Variants in CES1 observed in about 807,000 individuals in gnomAD.
The protein encoded by CES1 is liver carboxylesterase 1.
In CES1, 50 loss-of-function variants were observed where a neutral mutation model predicts 53.0. The observed-to-expected ratio is 0.94, with a 90% CI of 0.75 to 1.19. The LOEUF is 1.19. CES1 is among the 50% of genes most tolerant of loss of function. The pLI, the probability that CES1 is intolerant of heterozygous loss-of-function variation, is 0.00. For missense variants in CES1, 534 were observed against 538.0 expected, an observed-to-expected ratio of 0.99 and a Z score of 0.07; for synonymous variants, 202 against 210.1, an observed-to-expected ratio of 0.96 and a Z score of 0.33.
In CES1 at chr16:55,811,906, C is replaced by T. The variant is rs763033018; in HGVS notation, c.1087-896G>A. Among the ~76,000 whole-genome samples, 41 of 152,306 alleles carry T rather than the reference C, an allele frequency of 2.7e-4. No individual in the cohort carries two copies. The South Asian group carries it at 2.9e-3, about 11-fold the overall frequency. On this transcript the variant is annotated intron_variant, in intron 9 of 13. Coordinates refer to ENST00000360526, the MANE Select transcript of CES1 (RefSeq NM_001025195.2). ...GCCTGACTTCAGTGGGTTCTTCCTGCGGTCTAATGCATGGCTTCCTGTCCT... is the reference window on the plus strand; with the variant it reads ...GCCTGACTTCAGTGGGTTCTTCCTGTGGTCTAATGCATGGCTTCCTGTCCT...
intron 7 of CES1, among the ~76,000 whole-genome samples, chr16:55,817,851 C>T (rs1416583323): frequency 4.6e-5 from 7 of 152,128 alleles, no homozygotes; most frequent in Admixed American, 4.6e-4. Context: ...CTCAGAAAAA[C>T]TCAAAAGAAT....
chr16:55,820,596 G>C (rs2032137033), intron 5 of CES1, 117 bp from the exon 6 acceptor site: 2 of 1,535,938 alleles, frequency 1.3e-6, no homozygotes, highest in Admixed American at 3.7e-5. Context: ...GAGGAATCCA[G>C]TAGTGGGCTG....
Position 55,819,563 on chromosome 16 carries a change from T to A in CES1, c.878A>T (p.Glu293Val), listed in dbSNP as rs2032085111. The change falls in exon 7 of 14, where the codon GAG becomes GTG. Residue 293 changes from glutamate to valine, a missense_variant. Physicochemically the swap from Glu to Val is moderately radical, Grantham distance 121 (BLOSUM62 -2). Coordinates refer to ENST00000360526, the MANE Select transcript of CES1 (RefSeq NM_001025195.2). ...MVHCLRQKTE[E>V]ELLETTLKMK... ...TTTCAATGTCGTCTCCAAGAGCTCC[T>A]CTTCCGTCTTCTGTCGCAGGCAGTG... The A allele has an allele frequency of 6.2e-7, 1 of 1,613,968 alleles. No individual in the cohort carries two copies. The highest frequency in any genetic ancestry group is 8.5e-7 in the Non-Finnish European group (1 of 1,179,956).
intron 11 of CES1, among the ~76,000 whole-genome samples, chr16:55,809,710 C>CT (rs2031602786): frequency 6.6e-6 from 1 of 152,232 alleles, no homozygotes; most frequent in Admixed American, 6.5e-5. Context: ...CACACCCGCC[C>CT]TGGCTCCTCT....
intron 4 of CES1, 39 bp from the exon 5 acceptor site, chr16:55,821,560 A>T (rs751239465): frequency 1.1e-5 from 18 of 1,613,138 alleles, no homozygotes; most frequent in Non-Finnish European, 1.4e-5. Context: ...GGGAGCAGAG[A>T]TGTCATGCAG....
chr16:55,826,050 G>A, intron 3 of CES1, 101 bp downstream of exon 3: 1 of 1,460,266 alleles, frequency 6.8e-7, no homozygotes, highest in South Asian at 1.1e-5. Flanking sequence ...CCTGGCCTGT[G>A]CAGCTCCCTC....
In CES1 at chr16:55,810,663, C is replaced by T. The variant is rs1294446344; in HGVS notation, c.1172G>A (p.Cys391Tyr). The change falls in exon 11 of 14, where the codon TGC becomes TAC. Residue 391 changes from cysteine (C) to tyrosine (Y), a missense_variant and splice_region_variant. Cys to Tyr is a radical substitution (Grantham distance 194). Coordinates refer to ENST00000360526, the MANE Select transcript of CES1 (RefSeq NM_001025195.2). ...SLLWKSYPLV[C>Y]IAKELIPEAT... Reference sequence around the variant, plus strand: ...TTCTGGAATCAGTTCCTTAGCAATGCACTGAAATAGATCAAAAAGTGACCA... The same window carrying T: ...TTCTGGAATCAGTTCCTTAGCAATGTACTGAAATAGATCAAAAAGTGACCA... The T allele has an allele frequency of 2.9e-5, 46 of 1,614,004 alleles. No individual in the cohort carries two copies. The highest frequency in any genetic ancestry group is 3.3e-5 in the Non-Finnish European group (39 of 1,179,980).
chr16:55,824,852 A>G (rs1448071650), intron 3 of CES1, among the ~76,000 whole-genome samples: 3 of 152,244 alleles, frequency 2.0e-5, no homozygotes, highest in Non-Finnish European at 2.9e-5. Context: ...AAGCAGAACC[A>G]GGATTTAAAC....
At chr16:55,818,154 G>C (rs1195581961) in intron 7 of CES1, among the ~76,000 whole-genome samples, 1 of 152,134 alleles carries the variant, frequency 6.6e-6, no homozygotes. Context: ...GGCTACTCCT[G>C]AGCTTGGAAT....
chr16:55,830,557 C>A (rs2032597658), intron 1 of CES1, among the ~76,000 whole-genome samples: 1 of 152,248 alleles, frequency 6.6e-6, no homozygotes, highest in East Asian at 1.9e-4. Flanking sequence ...AATCCCAGCA[C>A]TTTGGGAGGC....
chr16:55,813,198 T>A (rs1380981650), intron 8 of CES1, among the ~76,000 whole-genome samples, 155 bp from the exon 9 acceptor site: 1 of 152,188 alleles, frequency 6.6e-6, no homozygotes, highest in Non-Finnish European at 1.5e-5. Flanking sequence ...GGGGTAGGTC[T>A]CCATGACTCA....
chr16:55,818,975 A>G lies in CES1; in HGVS notation c.906+560T>C, dbSNP rs77210449. Among the ~76,000 whole-genome samples, 281 of 152,360 alleles carry G rather than the reference A, an allele frequency of 1.8e-3. 4 individuals carry two copies. Among genetic ancestry groups the G allele is most frequent in the African/African-American group, 6.6e-3 (273 of 41,570 alleles). Reference sequence around the variant, plus strand: ...AAAGTTATGAATAGGTTGACATTAGATTGATAAAAAGATATGAGTGAATTG... The same window carrying G: ...AAAGTTATGAATAGGTTGACATTAGGTTGATAAAAAGATATGAGTGAATTG... On this transcript the variant is annotated intron_variant, in intron 7 of 13. Coordinates refer to ENST00000360526, the MANE Select transcript of CES1 (RefSeq NM_001025195.2).
intron 2 of CES1, among the ~76,000 whole-genome samples, chr16:55,827,297 A>AT (rs1884506134): frequency 6.7e-6 from 1 of 149,850 alleles, no homozygotes; most frequent in African/African-American, 2.4e-5. Flanking sequence ...AATAATAATA[A>AT]TAATAATAAT....
At chr16:55,810,839 C>T (rs1376057228) in intron 10 of CES1, 88 bp downstream of exon 10, 4 of 1,416,898 alleles carry the variant, frequency 2.8e-6, no homozygotes, top group Non-Finnish European at 3.0e-6. Flanking sequence ...CCCCAGTCTT[C>T]ATTCTGCCAT....
Position 55,819,579 on chromosome 16 carries a change from G to T in CES1, c.862C>A (p.Arg288=). Residue 288 remains arginine (R), a synonymous_variant, in exon 7 of 14, where the codon CGA becomes AGA. Coordinates refer to ENST00000360526, the MANE Select transcript of CES1 (RefSeq NM_001025195.2). ...TTSAVMVHCL[R]QKTEEELLET... ...AAGAGCTCCTCTTCCGTCTTCTGTC[G>T]CAGGCAGTGAACCATGACAGCAGAG... 6.2e-7 allele frequency: 1 copy of T among 1,614,066 alleles called. No individual in the cohort carries two copies. The highest frequency in any genetic ancestry group is 8.5e-7 in the Non-Finnish European group (1 of 1,179,998).
At chr16:55,809,093 C>CAAAAAAAAAAAAAAAAAAAAAAAA (rs376932562) in intron 11 of CES1, among the ~76,000 whole-genome samples, 1 of 72,056 alleles carries the variant, frequency 1.4e-5, no homozygotes, top group Non-Finnish European at 2.6e-5. Context: ...GTAGTCCTGG[C>CAAAAAAAAAAAAAAAAAAAAAAAA]AAAAAAAAAA....
At chr16:55,832,240 G>A (rs1481126206) in intron 1 of CES1, among the ~76,000 whole-genome samples, 4 of 152,126 alleles carry the variant, frequency 2.6e-5, no homozygotes, top group Non-Finnish European at 2.9e-5. Context: ...CCTCAGATCC[G>A]CCCTGTCCCC....
At chr16:55,826,724 A>C (rs1430644146) in intron 2 of CES1, among the ~76,000 whole-genome samples, 4 of 152,186 alleles carry the variant, frequency 2.6e-5, no homozygotes, top group Admixed American at 6.5e-5. Context: ...TCTGCGTCCC[A>C]ATCCGCCAGG....
intron 5 of CES1, 116 bp downstream of exon 5, chr16:55,821,252 G>A: frequency 2.2e-6 from 3 of 1,371,476 alleles, no homozygotes; most frequent in Non-Finnish European, 3.1e-6. Context: ...AGTAGGGCCA[G>A]TCCTGAATTC....
Sources: gnomAD v4.1 joint callset for allele counts (sites outside exome capture counted in the v4.1 genomes callset) on GRCh38, gnomAD v4.1.1 for gene constraint, MANE v1.5 for transcripts, NCBI Gene and HGNC (gene_info 2026-07-23, HGNC 2026-07-21) for gene names.